Variants in SMG6 observed in about 807,000 individuals in gnomAD.
SMG6 encodes SMG6 nonsense mediated mRNA decay factor.
SMG6 carries 66 observed loss-of-function variants against 142.2 expected under a neutral mutation model. The observed-to-expected ratio is 0.46, with a 90% confidence interval of 0.38 to 0.57. The LOEUF is 0.57. Among genes scored for constraint, SMG6 ranks in the 20% least tolerant of loss-of-function variants. The pLI is 0.00. For synonymous variants in SMG6, 779 were observed against 702.4 expected, an observed-to-expected ratio of 1.11 and a Z score of -1.72; for missense variants, 1,793 against 1,832.0, an observed-to-expected ratio of 0.98 and a Z score of 0.39.
intron 13 of SMG6, 70 bp downstream of exon 13, chr17:2,172,588 C>T (rs2071537952): frequency 1.9e-6 from 3 of 1,548,086 alleles, no homozygotes; most frequent in South Asian, 2.2e-5. Context: ...AGAAAACTTC[C>T]CAAGAATAAA....
chr17:2,303,516 T>C, intron 1 of SMG6, 117 bp downstream of exon 1: 2 of 1,332,854 alleles, frequency 1.5e-6, no homozygotes, highest in Non-Finnish European at 1.9e-6. Context: ...CAGCGCCTAC[T>C]GCTGGGGGAA....
At chr17:2,141,939 G>T (rs1373976660) in intron 13 of SMG6, among the ~76,000 whole-genome samples, 1 of 152,194 alleles carries the variant, frequency 6.6e-6, no homozygotes, top group Non-Finnish European at 1.5e-5. Context: ...TACAATCACT[G>T]TTTACCATTT....
chr17:2,277,584 A>T (rs2074690704), intron 8 of SMG6, among the ~76,000 whole-genome samples: 2 of 152,116 alleles, frequency 1.3e-5, no homozygotes, highest in Admixed American at 1.3e-4. Context: ...TCCTAACTCC[A>T]TTTTCTGCAT....
intron 10 of SMG6, among the ~76,000 whole-genome samples, chr17:2,205,182 C>T (rs1010042659): frequency 1.7e-4 from 26 of 152,232 alleles, no homozygotes; most frequent in African/African-American, 5.8e-4. Flanking sequence ...GATTCTCCTG[C>T]ATCAGCCTCC....
intron 13 of SMG6, among the ~76,000 whole-genome samples, chr17:2,163,169 T>G (rs566071984): frequency 6.6e-6 from 1 of 152,270 alleles, no homozygotes; most frequent in South Asian, 2.1e-4. Flanking sequence ...AAATGAACAT[T>G]TATTTTGTAA....
chr17:2,236,657 A>T lies in SMG6; in HGVS notation c.2724-20T>A. The T allele has an allele frequency of 1.9e-6, 3 of 1,601,846 alleles. No individual in the cohort carries two copies. The South Asian group carries it at 3.4e-5, about 18-fold the overall frequency. On this transcript the variant is annotated intron_variant, in intron 9 of 18. Transcript: ENST00000263073. ...TCCATCCTGCAGATTCAGAAAACCC[A>T]TCAATGAGGCACCTCTCTCTTTCAG...
Position 2,236,589 on chromosome 17 carries a change from C to T in SMG6, c.2772G>A (p.Gln924=). The T allele has an allele frequency of 1.2e-6, 2 of 1,613,650 alleles. No individual in the cohort carries two copies. The highest frequency in any genetic ancestry group is 3.3e-5 in the Admixed American group (2 of 59,956). The change falls in exon 10 of 19, where the codon CAG becomes CAA. Residue 924 remains glutamine, a synonymous_variant. Coordinates refer to ENST00000263073, the MANE Select transcript of SMG6 (RefSeq NM_017575.5). ...GAGAGGGGCTGTGCTGCAGTAACAC[C>T]TGGAACTCCTTGAGGACCTTCTCAG... ...AVAEKVLKEF[Q]VLLQHSPSPI... is the part of the protein sequence containing the mutation.
At chr17:2,087,969 G>C in intron 13 of SMG6, 5 of 985,854 alleles carry the variant, frequency 5.1e-6, no homozygotes, top group Non-Finnish European at 6.0e-6. Flanking sequence ...GGAGAATTAT[G>C]TAATGGGTCC....
At chr17:2,200,068 C>A (rs1186366675) in intron 10 of SMG6, 1 of 151,630 alleles carries the variant, frequency 6.6e-6, no homozygotes, top group African/African-American at 2.4e-5. Flanking sequence ...ATTACAAGTG[C>A]CCACCACCAC....
chr17:2,083,798 G>C (rs138248346), intron 14 of SMG6, among the ~76,000 whole-genome samples: 95 of 152,258 alleles, frequency 6.2e-4, no homozygotes, highest in African/African-American at 2.2e-3. Flanking sequence ...GTCAAAAGAG[G>C]GTCAGAGAAG....
At chr17:2,264,364 G>C (rs1161789727) in intron 8 of SMG6, among the ~76,000 whole-genome samples, 2 of 152,276 alleles carry the variant, frequency 1.3e-5, no homozygotes, top group South Asian at 2.1e-4. Flanking sequence ...CGGGATATCA[G>C]GTTATTCATG....
At chr17:2,277,999 GACC>G (rs2074699761) in intron 8 of SMG6, among the ~76,000 whole-genome samples, 1 of 152,094 alleles carries the variant, frequency 6.6e-6, no homozygotes, top group South Asian at 2.1e-4. Flanking sequence ...AGTGGGCCGT[GACC>G]ATGCCACCGC....
chr17:2,291,943 A>C (rs960536330), intron 6 of SMG6, among the ~76,000 whole-genome samples: 3 of 151,018 alleles, frequency 2.0e-5, no homozygotes, highest in Non-Finnish European at 4.4e-5. Context: ...GGTACCTACC[A>C]CTGGTCCCCA....
chr17:2,212,908 G>A (rs1389150122), intron 10 of SMG6, among the ~76,000 whole-genome samples: 1 of 152,242 alleles, frequency 6.6e-6, no homozygotes, highest in Non-Finnish European at 1.5e-5. Flanking sequence ...GCTCAGGGCA[G>A]GGTTTGGCGC....
At chr17:2,214,232 C>T (rs1167408054) in intron 10 of SMG6, 1 of 152,398 alleles carries the variant, frequency 6.6e-6, no homozygotes, top group Non-Finnish European at 1.5e-5. Context: ...GCTGCCCACA[C>T]CCCAGCTCAG....
At chr17:2,076,214 G>A (rs1399367973) in intron 15 of SMG6, among the ~76,000 whole-genome samples, 1 of 152,158 alleles carries the variant, frequency 6.6e-6, no homozygotes, top group East Asian at 1.9e-4. Flanking sequence ...TGGGAACGGG[G>A]ACTTGCCTTA....
At chr17:2,116,785 G>A (rs2069519916) in intron 13 of SMG6, among the ~76,000 whole-genome samples, 1 of 151,854 alleles carries the variant, frequency 6.6e-6, no homozygotes, top group African/African-American at 2.4e-5. Flanking sequence ...ACCACAGACT[G>A]CGAGAAGATA....
chr17:2,177,017 A>C (rs2071672310), intron 12 of SMG6, among the ~76,000 whole-genome samples: 1 of 152,182 alleles, frequency 6.6e-6, no homozygotes, highest in South Asian at 2.1e-4. Flanking sequence ...CTGGGGAAAC[A>C]CATTTCACAG....
At chr17:2,264,245 A>G (rs1369724011) in intron 8 of SMG6, among the ~76,000 whole-genome samples, 2 of 152,234 alleles carry the variant, frequency 1.3e-5, no homozygotes, top group Non-Finnish European at 2.9e-5. Flanking sequence ...GCTGGAACTC[A>G]GCAGCTGATT....
Sources: allele counts gnomAD v4.1 joint callset (sites outside exome capture counted in the v4.1 genomes callset), GRCh38; gene constraint gnomAD v4.1.1; transcripts MANE v1.5; gene names NCBI Gene and HGNC (gene_info 2026-07-23, HGNC 2026-07-21).